Variants in AGBL4 observed in about 807,000 individuals in gnomAD.
AGBL4 encodes the protein AGBL carboxypeptidase 4, also known as cytosolic carboxypeptidase 6.
AGBL4 carries 58 observed loss-of-function variants against 66.4 expected under a neutral mutation model. The observed-to-expected ratio is 0.87, with a 90% CI of 0.71 to 1.09. The LOEUF (loss-of-function observed/expected upper bound fraction) is 1.09. AGBL4 is among the 50% of genes least tolerant of loss of function. The pLI, the probability that AGBL4 is intolerant of heterozygous loss-of-function variation, is 0.00. For missense variants in AGBL4, 579 were observed against 631.0 expected (o/e 0.92, Z 0.88); for synonymous variants, 234 against 222.9 (o/e 1.05, Z -0.44).
At chr1:48,593,873 CT>C (rs1387831270) in intron 9 of AGBL4, among the ~76,000 whole-genome samples, 6 of 152,208 alleles carry the variant, frequency 3.9e-5, no homozygotes, top group African/African-American at 9.6e-5. Flanking sequence ...CAGAACACCC[CT>C]AGCCTATTAC....
intron 1 of AGBL4, among the ~76,000 whole-genome samples, chr1:49,913,425 C>A (rs2148216324): frequency 6.6e-6 from 1 of 152,366 alleles, no homozygotes; most frequent in South Asian, 2.1e-4. Context: ...CTACATGCCC[C>A]ACATCCAGGG....
intron 6 of AGBL4, among the ~76,000 whole-genome samples, chr1:48,795,401 T>C (rs998375166): frequency 3.9e-5 from 6 of 152,010 alleles, no homozygotes; most frequent in Non-Finnish European, 8.8e-5. Context: ...CCCCTCCCCC[T>C]TTTCCTCAAC....
At chr1:48,662,298 T>G (rs1646119765) in intron 7 of AGBL4, among the ~76,000 whole-genome samples, 1 of 152,078 alleles carries the variant, frequency 6.6e-6, no homozygotes, top group South Asian at 2.1e-4. Context: ...CCTGCCTGGG[T>G]AGTATCATTT....
chr1:48,887,165 C>T (rs539666202), intron 5 of AGBL4, among the ~76,000 whole-genome samples: 1 of 152,224 alleles, frequency 6.6e-6, no homozygotes, highest in Non-Finnish European at 1.5e-5. Flanking sequence ...GATAGGGAAT[C>T]ACGTGTGCAT....
chr1:49,522,353 C>A, intron 3 of AGBL4, among the ~76,000 whole-genome samples: 1 of 152,036 alleles, frequency 6.6e-6, no homozygotes, highest in East Asian at 1.9e-4. Context: ...TGTTTCAAAC[C>A]TTAATAATCA....
chr1:49,374,626 C>A (rs116651411), intron 3 of AGBL4, among the ~76,000 whole-genome samples: 1 of 152,064 alleles, frequency 6.6e-6, no homozygotes, highest in African/African-American at 2.4e-5. Flanking sequence ...AGAATTTAGT[C>A]GAGTAGGAAT....
Position 49,323,139 on chromosome 1 carries a change from G to T in AGBL4, c.283-77275C>A, listed in dbSNP as rs570829096. 5.3e-5 allele frequency among the ~76,000 whole-genome samples: 8 copies of T among 152,196 alleles called. 1 individual carries two copies. The South Asian group carries it at 6.2e-4, about 12-fold the overall frequency. ...GATTGTAAACACACTCATTGTAAAT[G>T]GTCCACCATTACAATGACTTTCAAG... On this transcript the variant is annotated intron_variant, in intron 3 of 13. Coordinates refer to ENST00000371839, the MANE Select transcript of AGBL4 (RefSeq NM_032785.4).
chr1:49,374,333 C>T (rs1332086552), intron 3 of AGBL4: 1 of 151,656 alleles, frequency 6.6e-6, no homozygotes, highest in African/African-American at 2.4e-5. Flanking sequence ...TTCATTCCTA[C>T]TCTTCAGAAT....
intron 5 of AGBL4, among the ~76,000 whole-genome samples, chr1:49,006,344 G>A (rs1391380127): frequency 6.6e-6 from 1 of 152,214 alleles, no homozygotes; most frequent in Non-Finnish European, 1.5e-5. Flanking sequence ...CGCACCACGA[G>A]ATTATATCCC....
Position 48,862,331 on chromosome 1 carries a change from TA to T in AGBL4, c.634+4859del, listed in dbSNP as rs371770338. The stretch of plus-strand genomic sequence containing the variant: ...ATAGTTTTGGGATTAAAAGTCACTT[TA>T]AAAAATTTTTTATATTTTTTTGACA... On this transcript the variant is annotated intron_variant, in intron 6 of 13. Transcript: ENST00000371839. Among the ~76,000 whole-genome samples, 296 of 152,306 alleles carry T rather than the reference TA, an allele frequency of 1.9e-3. 5 individuals are homozygous for T. The highest frequency in any genetic ancestry group is 6.5e-3 in the African/African-American group (271 of 41,564).
intron 3 of AGBL4, among the ~76,000 whole-genome samples, chr1:49,427,002 A>C (rs1388489422): frequency 6.6e-6 from 1 of 152,212 alleles, no homozygotes; most frequent in Non-Finnish European, 1.5e-5. Flanking sequence ...AAGGACACAC[A>C]ACTTTCCTCT....
At chr1:49,267,758 G>A (rs1643957258) in intron 3 of AGBL4, among the ~76,000 whole-genome samples, 1 of 152,110 alleles carries the variant, frequency 6.6e-6, no homozygotes, top group Non-Finnish European at 1.5e-5. Context: ...CACGTGGCTG[G>A]GAGGCCTCAC....
At chr1:49,669,544 T>A (rs1043036149) in intron 3 of AGBL4, among the ~76,000 whole-genome samples, 1 of 138,828 alleles carries the variant, frequency 7.2e-6, no homozygotes, top group Admixed American at 6.9e-5. Flanking sequence ...AGGAACCAGC[T>A]TTTTTTGTTC....
At chr1:48,702,946 C>T (rs1025664102) in intron 6 of AGBL4, among the ~76,000 whole-genome samples, 1 of 152,140 alleles carries the variant, frequency 6.6e-6, no homozygotes, top group Non-Finnish European at 1.5e-5. Flanking sequence ...ATGCACATCC[C>T]ACAGTGAGGG....
At chr1:48,759,359 A>G in intron 6 of AGBL4, 1 of 1,494,488 alleles carries the variant, frequency 6.7e-7, no homozygotes, top group South Asian at 1.3e-5. Context: ...ATATTTCCCC[A>G]GACAATCCTA....
intron 3 of AGBL4, among the ~76,000 whole-genome samples, chr1:49,622,648 A>AG (rs1645388885): frequency 1.3e-5 from 2 of 150,008 alleles, no homozygotes; most frequent in Non-Finnish European, 3.0e-5. Context: ...AAAAAAAAAA[A>AG]AAAAAAGAAA....
At chr1:49,150,739 G>A (rs1224401118) in intron 4 of AGBL4, among the ~76,000 whole-genome samples, 1 of 151,808 alleles carries the variant, frequency 6.6e-6, no homozygotes, top group Non-Finnish European at 1.5e-5. Context: ...CTTCCTCCAG[G>A]CACCCTTCTC....
intron 1 of AGBL4, among the ~76,000 whole-genome samples, chr1:49,893,602 A>G (rs970927911): frequency 2.0e-5 from 3 of 152,154 alleles, no homozygotes; most frequent in African/African-American, 7.2e-5. Flanking sequence ...CCTGCGAGCT[A>G]TGGTAGTGGT....
At chr1:48,902,889 T>C (rs140550495) in intron 5 of AGBL4, among the ~76,000 whole-genome samples, 1 of 152,280 alleles carries the variant, frequency 6.6e-6, no homozygotes, top group African/African-American at 2.4e-5. Flanking sequence ...TCAAGATCCT[T>C]AGCCTGGCAC....
Sources: gnomAD v4.1 joint callset for allele counts (sites outside exome capture counted in the v4.1 genomes callset) on GRCh38, gnomAD v4.1.1 for gene constraint, MANE v1.5 for transcripts, NCBI Gene and HGNC (gene_info 2026-07-23, HGNC 2026-07-21) for gene names.